Variants in NR2C2 observed in about 807,000 individuals in gnomAD.
NR2C2 encodes nuclear receptor subfamily 2 group C member 2, also known as Nuclear hormone receptor TR4.
In NR2C2, 6 loss-of-function variants were observed where a neutral mutation model predicts 62.9. The ratio of observed to expected loss-of-function variants is 0.10; its 90% CI spans 0.05 to 0.19. The LOEUF is 0.19. NR2C2 is among the 10% of genes least tolerant of loss of function. The pLI is 1.00. For missense variants in NR2C2, 479 were observed against 762.7 expected, an observed-to-expected ratio of 0.63 and a Z score of 4.38; for synonymous variants, 272 against 273.8, an observed-to-expected ratio of 0.99 and a Z score of 0.07.
intron 5 of NR2C2, 105 bp from the exon 6 acceptor site, chr3:15,023,095 C>A: frequency 7.8e-7 from 1 of 1,274,404 alleles, no homozygotes; most frequent in Non-Finnish European, 1.1e-6. Flanking sequence ...ATGAACCTAG[C>A]ACCAGAGTCA....
chr3:15,001,870 GGT>G (rs1169057266), intron 1 of NR2C2, among the ~76,000 whole-genome samples: 1 of 151,926 alleles, frequency 6.6e-6, no homozygotes, highest in Admixed American at 6.6e-5. Flanking sequence ...CTCCTACCTC[GGT>G]CTCCCAAAGT....
At chr3:14,959,614 C>T (rs1358926389) in intron 1 of NR2C2, 1 of 152,038 alleles carries the variant, frequency 6.6e-6, no homozygotes, top group Admixed American at 6.6e-5. Context: ...GCTTTGAAGG[C>T]AGAAAACCAA....
intron 4 of NR2C2, among the ~76,000 whole-genome samples, chr3:15,018,135 A>T (rs990946436): frequency 6.6e-6 from 1 of 152,086 alleles, no homozygotes; most frequent in African/African-American, 2.4e-5. Flanking sequence ...AGTAGCTGGG[A>T]CTATAGGTGT....
At position 14,991,585 on chromosome 3, in the gene NR2C2, C is replaced by A. The variant is rs564565806; in HGVS notation, c.-39-12291C>A. ...CTGTTTGAGATTTGTAACACTAGATCTGCACAATGTTTTTTCACAGAGTGT... is the reference window on the plus strand; with the variant it reads ...CTGTTTGAGATTTGTAACACTAGATATGCACAATGTTTTTTCACAGAGTGT... On this transcript the variant is annotated intron_variant, in intron 1 of 13. Transcript: ENST00000425241. 2.2e-4 allele frequency among the ~76,000 whole-genome samples: 33 copies of A among 152,264 alleles called. 4 individuals carry two copies. The highest frequency in any genetic ancestry group is 2.1e-3 in the South Asian group (10 of 4,828).
At chr3:15,001,076 A>T (rs1220662982) in intron 1 of NR2C2, among the ~76,000 whole-genome samples, 1 of 152,030 alleles carries the variant, frequency 6.6e-6, no homozygotes, top group African/African-American at 2.4e-5. Context: ...GGCCTCCCAA[A>T]GTGCTGGGAT....
rs1013363468 is a variant in NR2C2, at chr3:15,049,113, TGAA to T, written c.*6112_*6114del. The stretch of plus-strand genomic sequence containing the variant: ...TATATCTAATCAATGTCTTCAGTCT[TGAA>T]GAAGAATTTGCATTGTTGTGTTTGT... On this transcript the variant is annotated 3_prime_UTR_variant, in exon 14 of 14. Transcript: ENST00000425241. 4.6e-5 allele frequency: 7 copies of T among 152,770 alleles called. No homozygotes were observed. Among genetic ancestry groups the T allele is most frequent in the Non-Finnish European group, 2.9e-5 (2 of 68,028 alleles). The allele number at this position is 152,770 out of a possible 1,614,324, so 9.5% of individuals were successfully genotyped here.
intron 1 of NR2C2, among the ~76,000 whole-genome samples, chr3:14,952,882 C>G (rs1186761741): frequency 1.3e-5 from 2 of 152,146 alleles, no homozygotes; most frequent in African/African-American, 2.4e-5. Context: ...AGCTCTATAC[C>G]AAAAGGAAGA....
At chr3:15,038,336 T>C (rs2042161023) in intron 12 of NR2C2, 199 bp downstream of exon 12, 1 of 482,492 alleles carries the variant, frequency 2.1e-6, no homozygotes, top group Non-Finnish European at 3.6e-6. Flanking sequence ...AGAAATATGC[T>C]GCAGTGCCTG....
chr3:15,048,021 CAT>C lies in NR2C2; in HGVS notation c.*5015_*5016del, dbSNP rs1290813073. The C allele has an allele frequency of 6.6e-6, 1 of 152,596 alleles. No homozygotes were observed. The highest frequency in any genetic ancestry group is 6.5e-5 in the Admixed American group (1 of 15,284). The allele number at this position is 152,596 out of a possible 1,614,324, so 9.5% of individuals were successfully genotyped here. A position where few individuals can be genotyped will look rare whatever the true frequency, so the allele number is the denominator to read the frequency against. On this transcript the variant is annotated 3_prime_UTR_variant, in exon 14 of 14. Transcript: ENST00000425241. ...AGGGCCTGGCCCAGCAGTAGTTGCT[CAT>C]AGACCTGGGAAGCAGGGGCCTGCTG... is the stretch of plus-strand genomic sequence containing the variant.
intron 7 of NR2C2, 58 bp from the exon 8 acceptor site, chr3:15,028,528 C>G: frequency 6.4e-7 from 1 of 1,560,130 alleles, no homozygotes; most frequent in Non-Finnish European, 8.8e-7. Flanking sequence ...CTTCATTGGC[C>G]TGAGAGTCAT....
At chr3:15,003,071 G>A (rs970749717) in intron 1 of NR2C2, among the ~76,000 whole-genome samples, 3 of 149,562 alleles carry the variant, frequency 2.0e-5, no homozygotes, top group Non-Finnish European at 3.0e-5. Flanking sequence ...TCAGCCACAC[G>A]AGTAGCTGGG....
intron 1 of NR2C2, among the ~76,000 whole-genome samples, chr3:14,952,062 C>T (rs1360223270): frequency 1.3e-5 from 2 of 152,200 alleles, no homozygotes; most frequent in East Asian, 1.9e-4. Context: ...AAGTTTTTAG[C>T]ATCTGTCTCC....
intron 1 of NR2C2, among the ~76,000 whole-genome samples, chr3:15,003,086 C>T (rs1467829067): frequency 1.3e-5 from 2 of 151,286 alleles, no homozygotes; most frequent in Non-Finnish European, 1.5e-5. Context: ...GCTGGGATTA[C>T]AGGTGCGCAC....
Position 15,042,842 on chromosome 3 carries a change from G to A in NR2C2, c.1625G>A (p.Arg542Gln). 3 of 1,613,820 alleles carry A rather than the reference G, an allele frequency of 1.9e-6. No individual in the cohort carries two copies. The highest frequency in any genetic ancestry group is 2.5e-6 in the Non-Finnish European group (3 of 1,179,838). Residue 542 changes from arginine to glutamine, a missense_variant, in exon 14 of 14, where the codon CGG (arginine) becomes CAG (glutamine). Arg to Gln is a conservative substitution (Grantham distance 43, BLOSUM62 1). This residue lies in a region of NR2C2 where 162 missense variants were observed against 296.8 expected (regional missense o/e 0.55). Transcript: ENST00000425241. ...GACACTCCCTTTTATAGATTGGCCC[G>A]GATCCTCGTTCGCCTGCCGGCACTC... ...TYSEDTYRLA[R>Q]ILVRLPALRL...
At position 15,032,445 on chromosome 3, in the gene NR2C2, C is replaced by T. The variant is rs758562231; in HGVS notation, c.1177C>T (p.Leu393=). Residue 393 remains leucine, a synonymous_variant, in exon 10 of 14, where the codon CTG becomes TTG. Transcript: ENST00000425241. ...VHYICESASR[L]LFLSMHWARS... is the part of the protein sequence containing the mutation. ...CTACATCTGTGAGTCTGCATCCCGT[C>T]TGCTTTTCCTCTCAATGCACTGGGC... 8 of 1,614,108 alleles carry T rather than the reference C, an allele frequency of 5.0e-6. No individual in the cohort carries two copies. Among genetic ancestry groups the T allele is most frequent in the South Asian group, 4.4e-5 (4 of 91,086 alleles).
At chr3:15,031,384 T>A (rs891184708) in intron 9 of NR2C2, among the ~76,000 whole-genome samples, 4 of 141,822 alleles carry the variant, frequency 2.8e-5, no homozygotes, top group Non-Finnish European at 4.6e-5. Context: ...TTTTTTTTTT[T>A]AAACAAATAC....
chr3:15,021,021 A>G (rs2125019270), intron 5 of NR2C2, 89 bp downstream of exon 5: 1 of 1,276,882 alleles, frequency 7.8e-7, no homozygotes, highest in South Asian at 1.5e-5. Flanking sequence ...ACCTGGCCTT[A>G]AAATACTTTA....
intron 1 of NR2C2, among the ~76,000 whole-genome samples, chr3:14,976,642 A>G (rs778802845): frequency 3.5e-5 from 4 of 113,468 alleles, no homozygotes; most frequent in Non-Finnish European, 5.1e-5. Flanking sequence ...AGCATGCTGT[A>G]TTAGCTTCCT....
In NR2C2 at chr3:15,048,550, G is replaced by A. The variant is rs2042537413; in HGVS notation, c.*5542G>A. 6.6e-6 allele frequency: 1 copy of A among 152,560 alleles called. No homozygotes were observed. The highest frequency in any genetic ancestry group is 2.4e-5 in the African/African-American group (1 of 41,428). 9.5% of individuals were successfully genotyped at this position (152,560 alleles called of 1,614,324 possible). ...TTCAACATTTATTGATTGATAGACT[G>A]TTAAAATTTAATGTTTGGAATAACA... On this transcript the variant is annotated 3_prime_UTR_variant, in exon 14 of 14. Coordinates refer to ENST00000425241, the MANE Select transcript of NR2C2 (RefSeq NM_001291694.2).
Sources: gnomAD v4.1 joint callset for allele counts (sites outside exome capture counted in the v4.1 genomes callset) on GRCh38, gnomAD v4.1.1 for gene constraint, gnomAD v4.1.1 regional missense constraint, MANE v1.5 for transcripts, NCBI Gene and HGNC (gene_info 2026-07-23, HGNC 2026-07-21) for gene names.